CENPW: variants seen among roughly 807,000 people sequenced by gnomAD.
CENPW encodes the protein cancer-up-regulated gene 2 protein.
Under a neutral mutation model 11.1 loss-of-function variants are expected in CENPW, and 3 were observed. That is an observed-to-expected ratio of 0.27 (90% CI 0.12 to 0.70). The LOEUF (loss-of-function observed/expected upper bound fraction) is 0.70. Among genes scored for constraint, CENPW ranks in the 30% least tolerant of loss-of-function variants. CENPW has a pLI of 0.77. For missense variants in CENPW, 100 were observed against 105.6 expected, an observed-to-expected ratio of 0.95 and a Z score of 0.23; for synonymous variants, 38 against 42.0, an observed-to-expected ratio of 0.91 and a Z score of 0.37.
the CENPW span, among the ~76,000 whole-genome samples, chr6:126,480,465 G>A: frequency 6.6e-6 from 1 of 151,864 alleles, no homozygotes; most frequent in South Asian, 2.1e-4. Flanking sequence ...TCTACTTGGA[G>A]ATCATTAATT....
the CENPW span, among the ~76,000 whole-genome samples, chr6:126,408,062 T>G: frequency 6.6e-6 from 1 of 152,162 alleles, no homozygotes; most frequent in Non-Finnish European, 1.5e-5. Flanking sequence ...TTTATAGTTT[T>G]GGGTTTAACA....
At chr6:126,464,997 G>A in the CENPW span, among the ~76,000 whole-genome samples, 10 of 152,034 alleles carry the variant, frequency 6.6e-5, no homozygotes, top group Admixed American at 5.9e-4. Flanking sequence ...ATATTGTACT[G>A]GAGGTTCTAG....
chr6:126,400,355 C>T, the CENPW span, among the ~76,000 whole-genome samples: 1 of 151,996 alleles, frequency 6.6e-6, no homozygotes, highest in Non-Finnish European at 1.5e-5. Flanking sequence ...CATATATCTT[C>T]TTTTGCGAGT....
the CENPW span, among the ~76,000 whole-genome samples, chr6:126,439,641 C>A: frequency 6.6e-6 from 1 of 151,492 alleles, no homozygotes; most frequent in Non-Finnish European, 1.5e-5. Flanking sequence ...AATGTTTGTA[C>A]CAAATTGATT....
chr6:126,367,578 A>G, the CENPW span, among the ~76,000 whole-genome samples: 4 of 152,206 alleles, frequency 2.6e-5, no homozygotes, highest in Non-Finnish European at 5.9e-5. Context: ...AGAGTGTAGC[A>G]GGGTAGATAG....
At chr6:126,462,509 TTCTCTCTCTC>T in the CENPW span, among the ~76,000 whole-genome samples, 5 of 140,112 alleles carry the variant, frequency 3.6e-5, no homozygotes, top group East Asian at 6.4e-4. Context: ...CTTCTTTTCT[TTCTCTCTCTC>T]TCTCTCTCTC....
At chr6:126,459,577 C>T in the CENPW span, among the ~76,000 whole-genome samples, 1,530 of 151,496 alleles carry the variant, frequency 0.01, 23 homozygotes, top group African/African-American at 0.035. Context: ...AAAATATTAT[C>T]AAAAGTGAAA....
the CENPW span, among the ~76,000 whole-genome samples, chr6:126,389,527 A>G: frequency 1.3e-5 from 2 of 151,800 alleles, no homozygotes; most frequent in Admixed American, 1.3e-4. Context: ...ATACTAGTTT[A>G]CATTGTCAGG....
chr6:126,340,795 A>C (rs1474404893), intron 1 of CENPW, among the ~76,000 whole-genome samples: 2 of 152,086 alleles, frequency 1.3e-5, no homozygotes, highest in African/African-American at 4.8e-5. Context: ...GGTCATTTTT[A>C]TTTAGCTATT....
In CENPW at chr6:126,348,462, A is replaced by G; in HGVS notation, c.241-4A>G. 1 of 1,357,658 alleles carries G rather than the reference A, an allele frequency of 7.4e-7. No individual in the cohort carries two copies. 84.1% of individuals were successfully genotyped at this position (1,357,658 alleles called of 1,614,324 possible). A position where few individuals can be genotyped will look rare whatever the true frequency, so the allele number is the denominator to read the frequency against. The stretch of plus-strand genomic sequence containing the variant: ...TATGAATCTTATTTTTTTCCCTCTT[A>G]CAGGTAATTCTAAAGAAGAGCAGAG... On this transcript the variant is annotated splice_polypyrimidine_tract_variant and splice_region_variant and intron_variant, in intron 2 of 2. Transcript: ENST00000368328.
At chr6:126,411,540 A>T in the CENPW span, among the ~76,000 whole-genome samples, 1 of 152,074 alleles carries the variant, frequency 6.6e-6, no homozygotes, top group Non-Finnish European at 1.5e-5. Context: ...CTTATCGTGC[A>T]AGTTCACTCT....
chr6:126,469,437 A>G, the CENPW span, among the ~76,000 whole-genome samples: 2 of 152,330 alleles, frequency 1.3e-5, no homozygotes, highest in Admixed American at 1.3e-4. Context: ...TTGTTTATAA[A>G]TTATCCAGTC....
chr6:126,410,845 T>C, the CENPW span, among the ~76,000 whole-genome samples: 1 of 152,182 alleles, frequency 6.6e-6, no homozygotes, highest in South Asian at 2.1e-4. Flanking sequence ...TTTTTTATAT[T>C]TATTTTTGTT....
At chr6:126,343,110 A>G (rs1038091188) in intron 1 of CENPW, among the ~76,000 whole-genome samples, 2 of 152,180 alleles carry the variant, frequency 1.3e-5, no homozygotes, top group African/African-American at 2.4e-5. Context: ...CTTTCTGTCA[A>G]CTGAGACTGT....
chr6:126,358,006 C>A, the CENPW span, among the ~76,000 whole-genome samples: 2 of 152,154 alleles, frequency 1.3e-5, no homozygotes, highest in African/African-American at 2.4e-5. Flanking sequence ...TCTTCCATGA[C>A]TTTCAGTTTG....
chr6:126,448,271 A>G, the CENPW span, among the ~76,000 whole-genome samples: 1 of 151,130 alleles, frequency 6.6e-6, no homozygotes, highest in Non-Finnish European at 1.5e-5. Flanking sequence ...GCCCCAGCTT[A>G]ACTTACTGAT....
In CENPW at chr6:126,348,579, A is replaced by G; in HGVS notation, c.*87A>G. 3 of 788,806 alleles carry G rather than the reference A, an allele frequency of 3.8e-6. No individual in the cohort carries two copies. The highest frequency in any genetic ancestry group is 1.6e-5 in the South Asian group (1 of 64,354). 48.9% of individuals were successfully genotyped at this position (788,806 alleles called of 1,614,324 possible). ...AGACATTTTTTACACATCAGTTAAT[A>G]TGGGATTATTAAATATTGGCTATAA... On this transcript the variant is annotated 3_prime_UTR_variant, in exon 3 of 3. Coordinates refer to ENST00000368328, the MANE Select transcript of CENPW (RefSeq NM_001012507.4).
the CENPW span, among the ~76,000 whole-genome samples, chr6:126,448,545 A>G: frequency 2.3e-4 from 35 of 151,106 alleles, no homozygotes; most frequent in African/African-American, 8.5e-4. Context: ...GTTTAAATAT[A>G]TTTGTCCTAG....
the CENPW span, among the ~76,000 whole-genome samples, chr6:126,456,843 CA>C: frequency 1.3e-5 from 2 of 151,598 alleles, no homozygotes; most frequent in Admixed American, 6.6e-5. Flanking sequence ...GGAACTGAAA[CA>C]AATTAACAAG....
Sources: gnomAD v4.1 joint callset for allele counts (sites outside exome capture counted in the v4.1 genomes callset) on GRCh38, gnomAD v4.1.1 for gene constraint, MANE v1.5 for transcripts, NCBI Gene and HGNC (gene_info 2026-07-23, HGNC 2026-07-21) for gene names.